Variants in KIAA0232 observed in about 807,000 individuals in gnomAD.
KIAA0232 encodes the protein KIAA0232.
KIAA0232 carries 27 observed loss-of-function variants against 122.0 expected under a neutral mutation model. The observed-to-expected ratio is 0.22, with a 90% CI of 0.16 to 0.31. The LOEUF (loss-of-function observed/expected upper bound fraction) is 0.31. Among genes scored for constraint, KIAA0232 ranks in the 10% least tolerant of loss-of-function variants. KIAA0232 has a pLI of 1.00. For synonymous variants in KIAA0232, 613 were observed against 587.6 expected, an observed-to-expected ratio of 1.04 and a Z score of -0.63; for missense variants, 1,551 against 1,634.2, an observed-to-expected ratio of 0.95 and a Z score of 0.88.
At chr4:6,860,676 T>TA (rs1250805650) in intron 6 of KIAA0232, among the ~76,000 whole-genome samples, 2 of 152,240 alleles carry the variant, frequency 1.3e-5, no homozygotes, top group African/African-American at 2.4e-5. Context: ...TCAGTAATCT[T>TA]ACAGTGCGTA....
intron 2 of KIAA0232, among the ~76,000 whole-genome samples, chr4:6,816,749 A>AT (rs988222491): frequency 2.6e-5 from 4 of 152,346 alleles, no homozygotes; most frequent in African/African-American, 9.6e-5. Context: ...TTCTTTGTGA[A>AT]TTTTAAACTA....
At chr4:6,877,637 C>G (rs1451108164) in intron 9 of KIAA0232, among the ~76,000 whole-genome samples, 2 of 152,102 alleles carry the variant, frequency 1.3e-5, no homozygotes, top group African/African-American at 4.8e-5. Flanking sequence ...CAGGAAGCAT[C>G]CAGCATGGGA....
At chr4:6,857,031 C>A in intron 4 of KIAA0232, 133 bp from the exon 5 acceptor site, 1 of 548,564 alleles carries the variant, frequency 1.8e-6, no homozygotes. Flanking sequence ...GTAGTATTCA[C>A]GTAAATATTG....
intron 1 of KIAA0232, among the ~76,000 whole-genome samples, chr4:6,789,270 C>CAGTCATCTCA: frequency 1.3e-5 from 2 of 148,720 alleles, no homozygotes; most frequent in East Asian, 3.9e-4. Context: ...CATGCCCGGC[C>CAGTCATCTCA]TTTTCTTTTT....
chr4:6,786,112 G>C lies in KIAA0232; in HGVS notation c.-354+3271G>C, dbSNP rs372461987. Among the ~76,000 whole-genome samples the C allele has an allele frequency of 7.2e-5, 11 of 152,278 alleles. No individual in the cohort carries two copies. The East Asian group carries it at 1.2e-3, about 16-fold the overall frequency. ...AAATTGGTCATAGTAAACTCTGGCTGTGGTGTCTATCCTATCATTTTGCCC... is the reference window on the plus strand; with the variant it reads ...AAATTGGTCATAGTAAACTCTGGCTCTGGTGTCTATCCTATCATTTTGCCC... On this transcript the variant is annotated intron_variant, in intron 1 of 9. Transcript: ENST00000307659.
intron 1 of KIAA0232, among the ~76,000 whole-genome samples, chr4:6,786,717 G>A (rs1215763512): frequency 6.6e-6 from 1 of 152,012 alleles, no homozygotes; most frequent in South Asian, 2.1e-4. Context: ...GTTATTTTTG[G>A]TCTTTCACAT....
chr4:6,840,130 C>G (rs954454191), intron 3 of KIAA0232, among the ~76,000 whole-genome samples: 6 of 152,168 alleles, frequency 3.9e-5, no homozygotes, highest in African/African-American at 1.2e-4. Context: ...CAGTGTCATT[C>G]AGGCTTCTGC....
rs765745285 is a variant in KIAA0232 at position 6,863,126 on chromosome 4, C to G, written c.2744C>G (p.Ser915Cys). The change falls in exon 7 of 10, where the codon TCT (serine) becomes TGT (cysteine). Residue 915 changes from serine (S) to cysteine (C), a missense_variant. By Grantham distance (112) the Ser-to-Cys change is moderately radical. Around this residue, in one of 5 missense-constraint regions of KIAA0232, gnomAD observed 1,108 missense variants for 1,154.8 expected, o/e 0.96. Coordinates refer to ENST00000307659, the MANE Select transcript of KIAA0232 (RefSeq NM_014743.3). ...NVDGGDYTTPSKPWDVAQDKE... is the reference protein window; with the variant it reads ...NVDGGDYTTPCKPWDVAQDKE... Reference sequence around the variant, plus strand: ...GATGGTGGTGATTATACAACACCCTCTAAACCCTGGGATGTAGCCCAAGAT... The same window carrying G: ...GATGGTGGTGATTATACAACACCCTGTAAACCCTGGGATGTAGCCCAAGAT... 1 of 1,614,206 alleles carries G rather than the reference C, an allele frequency of 6.2e-7. No homozygotes were observed. The highest frequency in any genetic ancestry group is 1.3e-5 in the African/African-American group (1 of 75,056).
At chr4:6,814,614 G>A (rs1263090156) in intron 2 of KIAA0232, among the ~76,000 whole-genome samples, 1 of 152,016 alleles carries the variant, frequency 6.6e-6, no homozygotes, top group East Asian at 1.9e-4. Flanking sequence ...CCATGCAACA[G>A]ACTTGTGAGA....
intron 3 of KIAA0232, 48 bp downstream of exon 3, chr4:6,824,732 G>A (rs369999967): frequency 1.2e-5 from 18 of 1,471,986 alleles, no homozygotes; most frequent in Middle Eastern, 1.8e-4. Context: ...GTATCTGTAT[G>A]TATACATTCC....
intron 4 of KIAA0232, among the ~76,000 whole-genome samples, chr4:6,843,457 G>T (rs186529979): frequency 1.3e-5 from 2 of 152,212 alleles, no homozygotes; most frequent in East Asian, 3.9e-4. Context: ...CCACCTTTCT[G>T]TTCTCATCCA....
At position 6,863,493 on chromosome 4, in the gene KIAA0232, C is replaced by T. The variant is rs764994124; in HGVS notation, c.3111C>T (p.Tyr1037=). 44 of 1,614,040 alleles carry T rather than the reference C, an allele frequency of 2.7e-5. No individual in the cohort carries two copies. The highest frequency in any genetic ancestry group is 3.2e-5 in the Non-Finnish European group (38 of 1,180,026). The change falls in exon 7 of 10, where the codon TAC becomes TAT. Residue 1037 remains tyrosine, a synonymous_variant. Coordinates refer to ENST00000307659, the MANE Select transcript of KIAA0232 (RefSeq NM_014743.3). ...NFQVEDPGLE[Y]SFSSFDLSNP... is the part of the protein sequence containing the mutation. Reference sequence around the variant, plus strand: ...AAGTCGAAGATCCTGGACTTGAATACTCATTTTCTTCCTTTGACTTAAGCA... The same window carrying T: ...AAGTCGAAGATCCTGGACTTGAATATTCATTTTCTTCCTTTGACTTAAGCA...
At position 6,823,119 on chromosome 4, in the gene KIAA0232, T is replaced by G. The variant is rs1367052952; in HGVS notation, c.-269-1066T>G. ...TAAAGGACATGAACTCATCATTTTT[T>G]ATGGCTGCATAGTATTCCATGGTGT... On this transcript the variant is annotated intron_variant, in intron 2 of 9. Coordinates refer to ENST00000307659, the MANE Select transcript of KIAA0232 (RefSeq NM_014743.3). Among the ~76,000 whole-genome samples, 22 of 152,056 alleles carry G rather than the reference T, an allele frequency of 1.4e-4. 1 individual carries two copies. The highest frequency in any genetic ancestry group is 6.8e-3 in the Middle Eastern group (2 of 294).
chr4:6,837,889 T>G (rs1719412956), intron 3 of KIAA0232, among the ~76,000 whole-genome samples: 1 of 148,476 alleles, frequency 6.7e-6, no homozygotes, highest in Non-Finnish European at 1.5e-5. Flanking sequence ...GGCTGGGCAT[T>G]AGAGGGAGAC....
chr4:6,797,868 G>A (rs530984741), intron 1 of KIAA0232, among the ~76,000 whole-genome samples: 2 of 151,674 alleles, frequency 1.3e-5, no homozygotes, highest in East Asian at 1.9e-4. Context: ...TCAAGAGATC[G>A]AGACCACGGT....
At chr4:6,803,211 A>G (rs2108933646) in intron 1 of KIAA0232, among the ~76,000 whole-genome samples, 1 of 150,308 alleles carries the variant, frequency 6.7e-6, no homozygotes, top group East Asian at 1.9e-4. Flanking sequence ...GTGCATATAT[A>G]TATATATATA....
intron 3 of KIAA0232, among the ~76,000 whole-genome samples, chr4:6,839,197 A>G (rs1301425411): frequency 6.6e-6 from 1 of 152,224 alleles, no homozygotes; most frequent in African/African-American, 2.4e-5. Context: ...AATAAGATTA[A>G]TTTTAGCTCT....
chr4:6,832,220 GC>G (rs1719024262), intron 3 of KIAA0232, among the ~76,000 whole-genome samples: 2 of 152,160 alleles, frequency 1.3e-5, no homozygotes, highest in South Asian at 4.2e-4. Flanking sequence ...TAAAATAGAA[GC>G]CTCCCATTCT....
At position 6,876,932 on chromosome 4, in the gene KIAA0232, C is replaced by T. The variant is rs985199799; in HGVS notation, c.4008+175C>T. On this transcript the variant is annotated intron_variant, in intron 9 of 9. Transcript: ENST00000307659. ...GGCCTTTGTTCTGAGTCTGCATTCT[C>T]CCCCGCTTCCAAACCCCCTTGACTG... Among the ~76,000 whole-genome samples the T allele has an allele frequency of 2.6e-5, 4 of 152,126 alleles. No individual in the cohort carries two copies. The South Asian group carries it at 8.3e-4, about 31-fold the overall frequency.
Sources: allele counts gnomAD v4.1 joint callset (sites outside exome capture counted in the v4.1 genomes callset), GRCh38; gene constraint gnomAD v4.1.1; regional missense constraint gnomAD v4.1.1; transcripts MANE v1.5; gene names NCBI Gene and HGNC (gene_info 2026-07-23, HGNC 2026-07-21).